ACVR1C: variants seen among roughly 807,000 people sequenced by gnomAD.
ACVR1C encodes the protein activin A receptor type 1C.
Under a neutral mutation model 57.9 loss-of-function variants are expected in ACVR1C, and 23 were observed. That is an observed-to-expected ratio of 0.40 (90% confidence interval 0.29 to 0.56). ACVR1C has a LOEUF of 0.56. Ranked by LOEUF, ACVR1C falls within the 20% of genes least tolerant of loss-of-function variation. ACVR1C has a pLI of 0.50. For missense variants in ACVR1C, 480 were observed against 607.9 expected, an observed-to-expected ratio of 0.79 and a Z score of 2.21; for synonymous variants, 214 against 215.3, an observed-to-expected ratio of 0.99 and a Z score of 0.05.
intron 3 of ACVR1C, among the ~76,000 whole-genome samples, chr2:157,551,213 C>T (rs1687915530): frequency 6.6e-6 from 1 of 152,180 alleles, no homozygotes; most frequent in African/African-American, 2.4e-5. Flanking sequence ...TAATCATGCA[C>T]AAGTTATTTC....
At chr2:157,594,288 G>A (rs750921142) in intron 1 of ACVR1C, among the ~76,000 whole-genome samples, 12 of 152,200 alleles carry the variant, frequency 7.9e-5, no homozygotes, top group South Asian at 4.1e-4. Flanking sequence ...CCTGTAAAAT[G>A]AGGAGGTCAA....
Position 157,538,624 on chromosome 2 carries a change from A to G in ACVR1C, c.1305T>C (p.Val435=). The change falls in exon 8 of 9, where the codon GTT becomes GTC. Residue 435 remains valine (V), a synonymous_variant. Transcript: ENST00000243349. ...TACTTGGTCGAAACTTCTGGTCACA[A>G]ACAACCTTTCTCATTTCCTCTATCG... ...DPSIEEMRKV[V]CDQKFRPSIP... 6.3e-7 allele frequency: 1 copy of G among 1,586,616 alleles called. No homozygotes were observed. The highest frequency in any genetic ancestry group is 2.3e-5 in the East Asian group (1 of 43,288).
intron 2 of ACVR1C, among the ~76,000 whole-genome samples, chr2:157,557,459 T>G (rs1276360147): frequency 6.6e-6 from 1 of 152,040 alleles, no homozygotes; most frequent in Non-Finnish European, 1.5e-5. Context: ...TCAAGACCCT[T>G]GTCCTGCTTG....
At chr2:157,626,994 A>C (rs1682909914) in intron 1 of ACVR1C, among the ~76,000 whole-genome samples, 1 of 152,324 alleles carries the variant, frequency 6.6e-6, no homozygotes, top group African/African-American at 2.4e-5. Flanking sequence ...CTTTTCAAGA[A>C]CATGAGGCAT....
chr2:157,602,560 A>G (rs892422339), intron 1 of ACVR1C, among the ~76,000 whole-genome samples: 2 of 152,210 alleles, frequency 1.3e-5, no homozygotes, highest in Non-Finnish European at 2.9e-5. Context: ...CTACTTCTAC[A>G]TGAAATAAAC....
chr2:157,553,204 C>A (rs1687961617), intron 3 of ACVR1C, among the ~76,000 whole-genome samples: 1 of 152,166 alleles, frequency 6.6e-6, no homozygotes. Context: ...CCCCTCCCTA[C>A]AGGTGAGCTT....
At chr2:157,583,453 A>G (rs1180055531) in intron 2 of ACVR1C, among the ~76,000 whole-genome samples, 1 of 152,184 alleles carries the variant, frequency 6.6e-6, no homozygotes, top group Non-Finnish European at 1.5e-5. Flanking sequence ...ATTCTCTGCA[A>G]ATTAATCTAT....
In ACVR1C at chr2:157,531,189, C is replaced by G. The variant is rs1687342928; in HGVS notation, c.*2729G>C. 8 of 151,908 alleles carry G rather than the reference C, an allele frequency of 5.3e-5. No homozygotes were observed. The highest frequency in any genetic ancestry group is 5.3e-4 in the Admixed American group (8 of 15,222). The allele number at this position is 151,908 out of a possible 1,614,324, so 9.4% of individuals were successfully genotyped here. On this transcript the variant is annotated 3_prime_UTR_variant, in exon 9 of 9. Transcript: ENST00000243349. The stretch of plus-strand genomic sequence containing the variant: ...ATATACAAGAAGCCTGCCTTATGCT[C>G]TAAACTTCATCATCCTATTTTTGTA...
chr2:157,592,124 A>G (rs887525726), intron 1 of ACVR1C, among the ~76,000 whole-genome samples: 1 of 152,028 alleles, frequency 6.6e-6, no homozygotes, highest in African/African-American at 2.4e-5. Flanking sequence ...AATTCTACCT[A>G]CCTATTTTCT....
chr2:157,578,488 T>C (rs1366987648), intron 2 of ACVR1C, among the ~76,000 whole-genome samples: 1 of 152,222 alleles, frequency 6.6e-6, no homozygotes, highest in Non-Finnish European at 1.5e-5. Context: ...ATTACTGTTA[T>C]TGTCAATAAT....
intron 2 of ACVR1C, among the ~76,000 whole-genome samples, chr2:157,582,944 C>T (rs962757867): frequency 9.2e-5 from 14 of 152,270 alleles, no homozygotes; most frequent in South Asian, 2.1e-4. Flanking sequence ...CAGTGTGGCA[C>T]GATCTCAGAT....
At chr2:157,555,207 T>C (rs1027118134) in intron 3 of ACVR1C, among the ~76,000 whole-genome samples, 8 of 143,056 alleles carry the variant, frequency 5.6e-5, no homozygotes, top group Admixed American at 2.2e-4. Flanking sequence ...CAAGCTCCGC[T>C]TCCCGGGTTC....
At chr2:157,574,319 T>C (rs1057407426) in intron 2 of ACVR1C, among the ~76,000 whole-genome samples, 2 of 152,192 alleles carry the variant, frequency 1.3e-5, no homozygotes, top group Non-Finnish European at 1.5e-5. Context: ...TGTCCTCTTA[T>C]GGTGGAGGGA....
At chr2:157,536,168 A>G (rs1368041355) in intron 8 of ACVR1C, among the ~76,000 whole-genome samples, 2 of 152,236 alleles carry the variant, frequency 1.3e-5, no homozygotes, top group East Asian at 1.9e-4. Context: ...TAAAAAAAGC[A>G]AAGTGTAATG....
chr2:157,554,587 A>C (rs1688044884), intron 3 of ACVR1C, among the ~76,000 whole-genome samples: 1 of 152,158 alleles, frequency 6.6e-6, no homozygotes, highest in Non-Finnish European at 1.5e-5. Flanking sequence ...AGTCTTCGTC[A>C]GTGGGAGGCC....
At chr2:157,622,143 T>C (rs1682790100) in intron 1 of ACVR1C, among the ~76,000 whole-genome samples, 1 of 152,104 alleles carries the variant, frequency 6.6e-6, no homozygotes, top group Admixed American at 6.6e-5. Context: ...TAAGGATAAA[T>C]CTTGAGATTT....
chr2:157,542,998 T>A lies in ACVR1C; in HGVS notation c.944-136A>T, dbSNP rs4254465. On this transcript the variant is annotated intron_variant, in intron 5 of 8. Transcript: ENST00000243349. The stretch of plus-strand genomic sequence containing the variant: ...AAAGCTCTTGTCACTATCTAAATTA[T>A]CTTGTTTATTTATGTACATGCTGAA... The A allele has an allele frequency of 0.79, 643,077 of 817,244 alleles. 257,107 individuals carry two copies. Among genetic ancestry groups the A allele is most frequent in the East Asian group, 0.93 (35,199 of 37,762 alleles). 50.6% of individuals were successfully genotyped at this position (817,244 alleles called of 1,614,324 possible). A position where few individuals can be genotyped will look rare whatever the true frequency, so the allele number is the denominator to read the frequency against.
chr2:157,620,825 C>T (rs1025386438), intron 1 of ACVR1C, among the ~76,000 whole-genome samples: 1 of 151,724 alleles, frequency 6.6e-6, no homozygotes, highest in African/African-American at 2.4e-5. Context: ...TTTCTAGTCC[C>T]GTTTTTGATC....
intron 1 of ACVR1C, among the ~76,000 whole-genome samples, chr2:157,608,070 G>A (rs973071462): frequency 6.6e-6 from 1 of 151,764 alleles, no homozygotes; most frequent in African/African-American, 2.4e-5. Flanking sequence ...CCAGTTCTTA[G>A]AGGAAAGGCT....
Sources: allele counts gnomAD v4.1 joint callset (sites outside exome capture counted in the v4.1 genomes callset), GRCh38; gene constraint gnomAD v4.1.1; transcripts MANE v1.5; gene names NCBI Gene and HGNC (gene_info 2026-07-23, HGNC 2026-07-21).